ATR: variants seen among roughly 807,000 people sequenced by gnomAD.
The protein encoded by ATR is ATR checkpoint kinase.
ATR carries 142 observed loss-of-function variants against 305.3 expected under a neutral mutation model. The observed-to-expected ratio is 0.47, with a 90% CI of 0.41 to 0.53. ATR has a LOEUF of 0.53. Ranked by LOEUF, ATR falls within the 20% of genes least tolerant of loss-of-function variation. ATR has a pLI of 0.00. For synonymous variants in ATR, 1,050 were observed against 1,068.1 expected, an observed-to-expected ratio of 0.98 and a Z score of 0.33; for missense variants, 2,135 against 3,133.1, an observed-to-expected ratio of 0.68 and a Z score of 7.60.
chr3:142,477,089 T>C (rs1338332814), intron 36 of ATR, among the ~76,000 whole-genome samples: 1 of 152,160 alleles, frequency 6.6e-6, no homozygotes, highest in Non-Finnish European at 1.5e-5. Context: ...CCTTTATTTC[T>C]TTCTCCTGCC....
intron 45 of ATR, among the ~76,000 whole-genome samples, chr3:142,455,831 T>G (rs995993406): frequency 1.3e-5 from 2 of 152,184 alleles, no homozygotes; most frequent in African/African-American, 4.8e-5. Flanking sequence ...GATTAGGGAA[T>G]AGTTTCTTAG....
At position 142,449,393 on chromosome 3, in the gene ATR, T is replaced by G. The variant is rs749606435; in HGVS notation, c.*36A>C. ...CAGATTCATACCAAATGCATTACTT[T>G]TAGATTATTAACATATTCTTTTACA... On this transcript the variant is annotated 3_prime_UTR_variant, in exon 47 of 47. Transcript: ENST00000350721. 3.9e-6 allele frequency: 6 copies of G among 1,557,584 alleles called. No homozygotes were observed. The highest frequency in any genetic ancestry group is 1.7e-5 in the Admixed American group (1 of 59,896).
chr3:142,545,781 A>C (rs2034247162), intron 16 of ATR, among the ~76,000 whole-genome samples: 1 of 152,166 alleles, frequency 6.6e-6, no homozygotes, highest in South Asian at 2.1e-4. Context: ...ATTAATTATA[A>C]AAGGATAAAG....
At chr3:142,553,570 A>T (rs2108463956) in intron 12 of ATR, 70 bp downstream of exon 12, 2 of 1,485,980 alleles carry the variant, frequency 1.3e-6, no homozygotes, top group Non-Finnish European at 1.9e-6. Context: ...CACCATTTTT[A>T]ACAGCAAGCA....
At chr3:142,477,261 G>A (rs993830459) in intron 36 of ATR, among the ~76,000 whole-genome samples, 5 of 152,140 alleles carry the variant, frequency 3.3e-5, no homozygotes, top group African/African-American at 4.8e-5. Context: ...TTTTAGATAT[G>A]TCCCATCAAT....
intron 21 of ATR, among the ~76,000 whole-genome samples, chr3:142,534,771 G>A (rs529353066): frequency 1.3e-5 from 2 of 152,320 alleles, no homozygotes; most frequent in East Asian, 3.9e-4. Flanking sequence ...TAGGAAATAT[G>A]TGAGAAGACT....
Position 142,536,153 on chromosome 3 carries a change from A to T in ATR, c.3774T>A (p.His1258Gln), listed in dbSNP as rs1460077540. The T allele has an allele frequency of 6.3e-7, 1 of 1,592,284 alleles. No individual in the cohort carries two copies. Among genetic ancestry groups the T allele is most frequent in the Non-Finnish European group, 8.6e-7 (1 of 1,160,578 alleles). ...FLHEIYFLPDHPELKKIKAVL... is the reference protein window; with the variant it reads ...FLHEIYFLPDQPELKKIKAVL... ...CGGCTTTTATCTTTTTTAATTCTGG[A>T]TGATCAGGTAAAAAATATATTTCAT... The change falls in exon 20 of 47, where the codon CAT becomes CAA. Residue 1258 changes from histidine to glutamine, a missense_variant. By Grantham distance (24) the His-to-Gln change is conservative (BLOSUM62 0). Coordinates refer to ENST00000350721, the MANE Select transcript of ATR (RefSeq NM_001184.4).
At chr3:142,466,288 A>C in intron 40 of ATR, 36 bp downstream of exon 40, 2 of 1,577,744 alleles carry the variant, frequency 1.3e-6, no homozygotes, top group Non-Finnish European at 1.7e-6. Context: ...TAACAACTAA[A>C]TTTTAAAATC....
chr3:142,454,421 A>G (rs1168910278), intron 45 of ATR, among the ~76,000 whole-genome samples: 1 of 150,082 alleles, frequency 6.7e-6, no homozygotes, highest in Non-Finnish European at 1.5e-5. Flanking sequence ...ATTCTACCAT[A>G]ATGTCTGATA....
chr3:142,561,542 A>C, intron 4 of ATR, 121 bp from the exon 5 acceptor site: 1 of 941,662 alleles, frequency 1.1e-6, no homozygotes, highest in South Asian at 1.6e-5. Context: ...TTAGAGTCTC[A>C]TAAAGCAAAA....
intron 21 of ATR, among the ~76,000 whole-genome samples, chr3:142,534,669 A>G (rs2033789359): frequency 6.6e-6 from 1 of 152,206 alleles, no homozygotes; most frequent in Admixed American, 6.5e-5. Context: ...TTGAAAAAGT[A>G]AACTTAAAGA....
chr3:142,496,319 T>TCTGATG (rs2031627377), intron 34 of ATR, 42 bp downstream of exon 34: 1 of 257,852 alleles, frequency 3.9e-6, no homozygotes. Context: ...TATATATATA[T>TCTGATG]ATATATATAT....
chr3:142,479,930 A>G (rs1311003750), intron 36 of ATR, among the ~76,000 whole-genome samples: 1 of 152,186 alleles, frequency 6.6e-6, no homozygotes, highest in Non-Finnish European at 1.5e-5. Context: ...CGTGGATTTC[A>G]GCTCCATCAG....
At chr3:142,449,662 C>T in intron 46 of ATR, 60 bp from the exon 47 acceptor site, 1 of 1,528,388 alleles carries the variant, frequency 6.5e-7, no homozygotes, top group Non-Finnish European at 9.0e-7. Context: ...TACTACCTTT[C>T]TTTATATTTT....
intron 27 of ATR, among the ~76,000 whole-genome samples, chr3:142,511,409 A>C (rs2108368298): frequency 6.6e-6 from 1 of 152,184 alleles, no homozygotes; most frequent in East Asian, 1.9e-4. Context: ...TAATCCCAGC[A>C]CTTTGGGAGG....
At chr3:142,459,160 A>G (rs150290264) in intron 43 of ATR, 49 bp from the exon 44 acceptor site, 1 of 1,612,298 alleles carries the variant, frequency 6.2e-7, no homozygotes, top group African/African-American at 1.3e-5. Context: ...TATGAGGCCA[A>G]TATAAATCTA....
intron 20 of ATR, 40 bp from the exon 21 acceptor site, chr3:142,535,245 C>G (rs2108425711): frequency 6.2e-7 from 1 of 1,610,246 alleles, no homozygotes; most frequent in Non-Finnish European, 8.5e-7. Context: ...TATTAATCAA[C>G]TATTTTAACA....
In ATR at chr3:142,503,344, C is replaced by T; in HGVS notation, c.5288+18G>A. 6.4e-7 allele frequency: 1 copy of T among 1,557,172 alleles called. No individual in the cohort carries two copies. The highest frequency in any genetic ancestry group is 8.8e-7 in the Non-Finnish European group (1 of 1,130,198). On this transcript the variant is annotated intron_variant, in intron 30 of 46. Transcript: ENST00000350721. ...TTCAGATGCAATAACAAAAGAAAAT[C>T]ATTTTATAAAATATTACCTGTTAGC...
At chr3:142,539,519 A>T (rs1464781026) in intron 18 of ATR, among the ~76,000 whole-genome samples, 2 of 151,956 alleles carry the variant, frequency 1.3e-5, no homozygotes, top group African/African-American at 4.8e-5. Context: ...TATCAAAATG[A>T]TATTAAAAAA....
Sources: gnomAD v4.1 joint callset for allele counts (sites outside exome capture counted in the v4.1 genomes callset) on GRCh38, gnomAD v4.1.1 for gene constraint, MANE v1.5 for transcripts, NCBI Gene and HGNC (gene_info 2026-07-23, HGNC 2026-07-21) for gene names.